The following MTA3 variants were observed in gnomAD, a reference collection of about 807,000 sequenced individuals.
MTA3 encodes the protein metastasis associated 1 family member 3.
MTA3 carries 34 observed loss-of-function variants against 83.5 expected under a neutral mutation model. The ratio of observed to expected loss-of-function variants is 0.41; its 90% CI spans 0.31 to 0.54. The LOEUF is 0.54. Ranked by LOEUF, MTA3 falls within the 20% of genes least tolerant of loss-of-function variation. The probability of loss-of-function intolerance (pLI) is 0.33; values close to 1 mark genes in which losing one functional copy is unlikely to be tolerated. For missense variants in MTA3, 761 were observed against 726.4 expected (o/e 1.05, Z -0.55); for synonymous variants, 303 against 252.7 (o/e 1.20, Z -1.89).
chr2:42,494,942 T>A (rs1424261853), exon 1 of MTA3: 2 of 152,310 alleles, frequency 1.3e-5, no homozygotes, highest in Non-Finnish European at 2.9e-5. Context: ...TATTTTAAAC[T>A]GCTACCAGCA....
chr2:42,728,925 G>A (rs1308462146), intron 16 of MTA3, among the ~76,000 whole-genome samples: 1 of 151,924 alleles, frequency 6.6e-6, no homozygotes, highest in Non-Finnish European at 1.5e-5. Flanking sequence ...TTTGTTGACT[G>A]TTTCTTTTGC....
intron 8 of MTA3, among the ~76,000 whole-genome samples, chr2:42,664,945 A>G (rs902838132): frequency 7.0e-4 from 106 of 152,214 alleles, no homozygotes; most frequent in Non-Finnish European, 1.9e-4. Flanking sequence ...TCACATCCTC[A>G]TTTTGAAATC....
At chr2:42,709,292 A>G (rs1305183605) in intron 14 of MTA3, 196 bp downstream of exon 14, 1 of 1,362,294 alleles carries the variant, frequency 7.3e-7, no homozygotes, top group Non-Finnish European at 9.5e-7. Flanking sequence ...AAAAAAAATC[A>G]AAACATTGAA....
chr2:42,621,603 A>T (rs1207109255), intron 4 of MTA3, among the ~76,000 whole-genome samples: 2 of 152,114 alleles, frequency 1.3e-5, no homozygotes, highest in African/African-American at 4.8e-5. Context: ...ATTCGACAAA[A>T]CCGCCATCGT....
At chr2:42,566,651 T>C (rs1257559003), upstream of MTA3, among the ~76,000 whole-genome samples, 2 of 152,136 alleles carry the variant, frequency 1.3e-5, no homozygotes, top group African/African-American at 4.8e-5. Flanking sequence ...GTTAGCACAG[T>C]CATCATAAAC....
intron 6 of MTA3, among the ~76,000 whole-genome samples, chr2:42,645,226 TAAAA>T (rs113085756): frequency 1.9e-5 from 2 of 104,546 alleles, no homozygotes; most frequent in Admixed American, 1.9e-4. Flanking sequence ...ACATGAATGA[TAAAA>T]AAAAGCAAAA....
intron 5 of MTA3, among the ~76,000 whole-genome samples, chr2:42,640,451 G>A (rs550144106): frequency 6.6e-6 from 1 of 152,150 alleles, no homozygotes; most frequent in African/African-American, 2.4e-5. Flanking sequence ...TTTTTCAGTT[G>A]GTAATGAATG....
chr2:42,703,877 G>A (rs1245729471), intron 11 of MTA3: 7 of 214,732 alleles, frequency 3.3e-5, no homozygotes, highest in East Asian at 1.4e-4. Context: ...GCAACAGAGC[G>A]AGACTCCGTC....
chr2:42,752,126 A>G (rs576357143), intron 16 of MTA3: 1 of 467,750 alleles, frequency 2.1e-6, no homozygotes, highest in African/African-American at 2.0e-5. Flanking sequence ...TCAATAAAGC[A>G]AGGTTAGCAT....
intron 16 of MTA3, among the ~76,000 whole-genome samples, chr2:42,736,556 G>T (rs1668627731): frequency 6.6e-6 from 1 of 152,176 alleles, no homozygotes; most frequent in African/African-American, 2.4e-5. Context: ...GTCCAGAGAT[G>T]CCAACTGGGA....
At chr2:42,629,464 G>A (rs116053450) in intron 4 of MTA3, among the ~76,000 whole-genome samples, 1,617 of 152,130 alleles carry the variant, frequency 0.011, 24 homozygotes, top group African/African-American at 0.037. Context: ...TTTTTTGGTA[G>A]TGTAATTGTG....
At chr2:42,744,887 C>T (rs930945838) in intron 16 of MTA3, among the ~76,000 whole-genome samples, 19 of 152,292 alleles carry the variant, frequency 1.2e-4, no homozygotes, top group African/African-American at 4.3e-4. Flanking sequence ...TTCACGTCCT[C>T]ATGAAGAAGT....
chr2:42,689,536 T>C (rs1024553511), intron 9 of MTA3, among the ~76,000 whole-genome samples: 1 of 152,174 alleles, frequency 6.6e-6, no homozygotes, highest in Non-Finnish European at 1.5e-5. Flanking sequence ...GTTTTAAAAC[T>C]GTGAAGTCAT....
At chr2:42,738,194 C>T (rs1047548694) in intron 16 of MTA3, among the ~76,000 whole-genome samples, 3 of 151,970 alleles carry the variant, frequency 2.0e-5, no homozygotes, top group Admixed American at 1.3e-4. Flanking sequence ...ACTGGGAGGT[C>T]GGAGCTGCAG....
chr2:42,681,752 C>T (rs188546574), intron 8 of MTA3, among the ~76,000 whole-genome samples: 1 of 151,874 alleles, frequency 6.6e-6, no homozygotes, highest in Non-Finnish European at 1.5e-5. Context: ...CTCAAGTGTT[C>T]CTCCCACCTT....
intron 2 of MTA3, chr2:42,533,499 T>A (rs1405304083): frequency 2.0e-5 from 3 of 147,890 alleles, no homozygotes; most frequent in Non-Finnish European, 4.4e-5. Context: ...TTTCTTTTCC[T>A]TTCTTTCTTT....
chr2:42,610,950 A>G (rs143217640), intron 4 of MTA3, among the ~76,000 whole-genome samples: 2 of 150,300 alleles, frequency 1.3e-5, no homozygotes, highest in East Asian at 1.9e-4. Context: ...AACTATATAT[A>G]TAGACATAAA....
chr2:42,660,277 C>T (rs1015318469), intron 8 of MTA3, among the ~76,000 whole-genome samples: 4 of 151,834 alleles, frequency 2.6e-5, no homozygotes, highest in African/African-American at 4.8e-5. Context: ...TTGGTAGAGA[C>T]GGGGTTTCAC....
intron 8 of MTA3, among the ~76,000 whole-genome samples, chr2:42,676,616 A>G (rs903906437): frequency 6.6e-6 from 1 of 152,072 alleles, no homozygotes; most frequent in Non-Finnish European, 1.5e-5. Context: ...AAATACAAAA[A>G]TTAGCTGGGC....
Sources: gnomAD v4.1 joint callset for allele counts (sites outside exome capture counted in the v4.1 genomes callset) on GRCh38, gnomAD v4.1.1 for gene constraint, MANE v1.5 for transcripts, NCBI Gene and HGNC (gene_info 2026-07-23, HGNC 2026-07-21) for gene names.